Variants in ELK3 observed in about 807,000 individuals in gnomAD.
ELK3 encodes the protein ETS domain-containing protein Elk-3.
A neutral mutation model predicts 28.9 loss-of-function variants in ELK3; 10 were observed. The ratio of observed to expected loss-of-function variants is 0.35; its 90% CI spans 0.21 to 0.59. ELK3 has a LOEUF of 0.59. ELK3 is among the 20% of genes least tolerant of loss of function. The pLI, the probability that ELK3 is intolerant of heterozygous loss-of-function variation, is 0.82. For synonymous variants in ELK3, 272 were observed against 243.5 expected, an observed-to-expected ratio of 1.12 and a Z score of -1.09; for missense variants, 463 against 517.3, an observed-to-expected ratio of 0.90 and a Z score of 1.02.
In ELK3 at chr12:96,253,755, C is replaced by T. The variant is rs536121829; in HGVS notation, c.1003-5976C>T. Among the ~76,000 whole-genome samples the T allele has an allele frequency of 2.6e-5, 4 of 152,306 alleles. No individual in the cohort carries two copies. In the East Asian group the frequency reaches 7.7e-4, roughly 29 times the overall value. ...ATCTCAGATCACCAAATCAAGTGAT[C>T]AGCAAATACTTCTGCATCTTCTTTA... On this transcript the variant is annotated intron_variant, in intron 3 of 4. Coordinates refer to ENST00000228741, the MANE Select transcript of ELK3 (RefSeq NM_005230.4).
At chr12:96,217,865 G>C (rs1281591667) in intron 1 of ELK3, among the ~76,000 whole-genome samples, 1 of 150,646 alleles carries the variant, frequency 6.6e-6, no homozygotes, top group Non-Finnish European at 1.5e-5. Context: ...TTGAACCCGG[G>C]AGGCAGAGGT....
intron 1 of ELK3, among the ~76,000 whole-genome samples, chr12:96,208,913 C>G (rs1295322804): frequency 6.6e-6 from 1 of 152,250 alleles, no homozygotes; most frequent in Non-Finnish European, 1.5e-5. Flanking sequence ...ACCTCTCTGC[C>G]AGGAAACACT....
At chr12:96,250,784 G>A (rs1332789974) in intron 3 of ELK3, among the ~76,000 whole-genome samples, 3 of 152,166 alleles carry the variant, frequency 2.0e-5, no homozygotes, top group African/African-American at 7.2e-5. Flanking sequence ...TAATCTGTGG[G>A]CTGTCAGCTT....
intron 1 of ELK3, among the ~76,000 whole-genome samples, chr12:96,213,323 CTCT>C: frequency 6.6e-6 from 1 of 152,160 alleles, no homozygotes; most frequent in East Asian, 1.9e-4. Context: ...AAAGAACAAA[CTCT>C]ATCCCAGGAA....
chr12:96,212,106 CA>C (rs1245718779), intron 1 of ELK3, among the ~76,000 whole-genome samples: 1 of 152,140 alleles, frequency 6.6e-6, no homozygotes, highest in African/African-American at 2.4e-5. Flanking sequence ...AGCTAAAACA[CA>C]AGACAAAATG....
intron 2 of ELK3, among the ~76,000 whole-genome samples, chr12:96,227,034 G>T (rs951192232): frequency 5.3e-5 from 8 of 152,218 alleles, no homozygotes; most frequent in African/African-American, 1.9e-4. Context: ...GCCCGTCTGT[G>T]ACCGTTTTCG....
At chr12:96,231,597 A>G (rs897785426) in intron 2 of ELK3, among the ~76,000 whole-genome samples, 8 of 152,152 alleles carry the variant, frequency 5.3e-5, no homozygotes, top group Non-Finnish European at 8.8e-5. Flanking sequence ...GGTTCAAGTG[A>G]TTCTCCTGCC....
chr12:96,218,594 T>C (rs1196646736), intron 1 of ELK3, among the ~76,000 whole-genome samples: 1 of 151,700 alleles, frequency 6.6e-6, no homozygotes, highest in African/African-American at 2.4e-5. Context: ...CAAACATGCA[T>C]GTATACCCCC....
Position 96,247,408 on chromosome 12 carries a change from A to G in ELK3, c.676A>G (p.Met226Val). ...SSVSAKISSL[M>V]LPNAASISSA... ...CGTCTCGGCCAAGATCTCCTCTTTA[A>G]TGTTGCCAAACGCTGCCAGTATTTC... The change falls in exon 3 of 5, where the codon ATG (methionine) becomes GTG (valine). Residue 226 changes from methionine (M) to valine (V), a missense_variant. Physicochemically the swap from Met to Val is conservative, Grantham distance 21. Around this residue, in one of 2 missense-constraint regions of ELK3, gnomAD observed 408 missense variants for 414.8 expected, o/e 0.98. Coordinates refer to ENST00000228741, the MANE Select transcript of ELK3 (RefSeq NM_005230.4). This position sits in a 1 kb window ranked among gnomAD's most constrained non-coding sequence, Gnocchi z 5.5. 6.2e-7 allele frequency: 1 copy of G among 1,613,962 alleles called. No homozygotes were observed. Among genetic ancestry groups the G allele is most frequent in the Non-Finnish European group, 8.5e-7 (1 of 1,180,018 alleles).
At chr12:96,235,660 C>G (rs1337948999) in intron 2 of ELK3, among the ~76,000 whole-genome samples, 1 of 152,080 alleles carries the variant, frequency 6.6e-6, no homozygotes. Context: ...TGAGAAGACA[C>G]TCCCAGACCA....
intron 2 of ELK3, among the ~76,000 whole-genome samples, chr12:96,226,456 G>A (rs1340380611): frequency 6.6e-6 from 1 of 151,234 alleles, no homozygotes; most frequent in Non-Finnish European, 1.5e-5. Context: ...ACACACACAA[G>A]TATACACATA....
At chr12:96,227,805 ATCTC>A (rs1951714549) in intron 2 of ELK3, among the ~76,000 whole-genome samples, 1 of 152,154 alleles carries the variant, frequency 6.6e-6, no homozygotes, top group African/African-American at 2.4e-5. Context: ...GTGTTGCCTA[ATCTC>A]TCTGAGTCTC....
At position 96,247,114 on chromosome 12, in the gene ELK3, G is replaced by T. The variant is rs202181482; in HGVS notation, c.382G>T (p.Ala128Ser). The change falls in exon 3 of 5, where the codon GCC becomes TCC. Residue 128 changes from alanine (A) to serine (S), a missense_variant. Ala to Ser is a moderately conservative substitution (Grantham distance 99). Coordinates refer to ENST00000228741, the MANE Select transcript of ELK3 (RefSeq NM_005230.4). The surrounding 1 kb of genome is among the most constrained non-coding windows in gnomAD (Gnocchi z 5.5). ...CGAGGCCCACAAACACGGCCTGGCCGCCCTCAGAAGCACGAGCCGCAACGA... is the reference window on the plus strand; with the variant it reads ...CGAGGCCCACAAACACGGCCTGGCCTCCCTCAGAAGCACGAGCCGCAACGA... ...GREAHKHGLA[A>S]LRSTSRNEYI... is the part of the protein sequence containing the mutation. 11 of 1,612,244 alleles carry T rather than the reference G, an allele frequency of 6.8e-6. No individual in the cohort carries two copies. The highest frequency in any genetic ancestry group is 8.5e-6 in the Non-Finnish European group (10 of 1,179,342).
chr12:96,259,244 AAAATT>A (rs1951974987), intron 3 of ELK3, among the ~76,000 whole-genome samples: 1 of 152,216 alleles, frequency 6.6e-6, no homozygotes, highest in African/African-American at 2.4e-5. Context: ...AAGTGTTAAT[AAAATT>A]AGCATTGAAG....
At chr12:96,265,139 T>G (rs1361939069) in intron 4 of ELK3, among the ~76,000 whole-genome samples, 2 of 152,148 alleles carry the variant, frequency 1.3e-5, no homozygotes. Flanking sequence ...AAAAGGTGGC[T>G]GGGGACAAAA....
chr12:96,229,479 C>A (rs1442113109), intron 2 of ELK3, among the ~76,000 whole-genome samples: 1 of 151,832 alleles, frequency 6.6e-6, no homozygotes. Context: ...TCGCTGCCCC[C>A]ATCATCACAT....
chr12:96,239,499 G>A (rs559526561), intron 2 of ELK3, among the ~76,000 whole-genome samples: 1 of 152,276 alleles, frequency 6.6e-6, no homozygotes, highest in South Asian at 2.1e-4. Context: ...CTCTGCAATG[G>A]GATAACAGTG....
chr12:96,214,272 A>G (rs111583363), intron 1 of ELK3, among the ~76,000 whole-genome samples: 2,240 of 152,190 alleles, frequency 0.015, 38 homozygotes, highest in Middle Eastern at 0.034. Context: ...CTCTACTAAA[A>G]ATACAAAAAT....
intron 1 of ELK3, among the ~76,000 whole-genome samples, chr12:96,217,950 A>AG (rs1431356994): frequency 1.3e-5 from 2 of 151,852 alleles, no homozygotes; most frequent in African/African-American, 4.8e-5. Flanking sequence ...AAAAAAAAAA[A>AG]AAAAAAATCA....
Sources: allele counts gnomAD v4.1 joint callset (sites outside exome capture counted in the v4.1 genomes callset), GRCh38; gene constraint gnomAD v4.1.1; regional missense constraint gnomAD v4.1.1; non-coding constraint Gnocchi (gnomAD v3.1); transcripts MANE v1.5; gene names NCBI Gene and HGNC (gene_info 2026-07-23, HGNC 2026-07-21).